The following GALR1 variants were observed in gnomAD, a reference collection of about 807,000 sequenced individuals.
GALR1 encodes galanin receptor type 1.
In GALR1, 11 loss-of-function variants were observed where a neutral mutation model predicts 17.9. That is an observed-to-expected ratio of 0.62 (90% confidence interval 0.39 to 1.02). GALR1 has a LOEUF of 1.02. Ranked by LOEUF, GALR1 falls within the 50% of genes least tolerant of loss-of-function variation. The pLI, the probability that GALR1 is intolerant of heterozygous loss-of-function variation, is 0.01. For missense variants in GALR1, 441 were observed against 456.9 expected (o/e 0.97, Z 0.32); for synonymous variants, 206 against 205.7 (o/e 1.00, Z -0.01).
In GALR1 at chr18:77,251,192, T is replaced by G; in HGVS notation, c.644T>G (p.Leu215Arg). 1 of 1,608,904 alleles carries G rather than the reference T, an allele frequency of 6.2e-7. No homozygotes were observed. The highest frequency in any genetic ancestry group is 8.5e-7 in the Non-Finnish European group (1 of 1,176,684). ...FVFGYLLPLLLICFCYAKVLN... is the reference protein window; with the variant it reads ...FVFGYLLPLLRICFCYAKVLN... ...TTCGGCTACCTGCTGCCGCTCCTGC[T>G]CATCTGCTTCTGCTATGCCAAGGTG... Residue 215 changes from leucine to arginine, a missense_variant, in exon 1 of 3, where the codon CTC (leucine) becomes CGC (arginine). Leu to Arg is a moderately radical substitution (Grantham distance 102). Coordinates refer to ENST00000299727, the MANE Select transcript of GALR1 (RefSeq NM_001480.4).
chr18:77,253,452 T>G lies in GALR1; in HGVS notation c.666+2238T>G, dbSNP rs143795656. Among the ~76,000 whole-genome samples the G allele has an allele frequency of 7.4e-4, 112 of 152,332 alleles. 1 individual carries two copies. Among genetic ancestry groups the G allele is most frequent in the Admixed American group, 2.8e-3 (43 of 15,304 alleles). On this transcript the variant is annotated intron_variant, in intron 1 of 2. Coordinates refer to ENST00000299727, the MANE Select transcript of GALR1 (RefSeq NM_001480.4). Reference sequence around the variant, plus strand: ...TAAGTTCCTAATTACTGTGGAGAACTGAAGCACACGCTTCCTTATTTCCCC... The same window carrying G: ...TAAGTTCCTAATTACTGTGGAGAACGGAAGCACACGCTTCCTTATTTCCCC...
chr18:77,254,905 A>G (rs1912551641), intron 1 of GALR1, among the ~76,000 whole-genome samples: 1 of 152,180 alleles, frequency 6.6e-6, no homozygotes, highest in Non-Finnish European at 1.5e-5. Context: ...GAGAGAATTT[A>G]AAGTCAGAAA....
intron 2 of GALR1, among the ~76,000 whole-genome samples, chr18:77,265,836 A>C (rs1490915356): frequency 6.6e-6 from 1 of 151,614 alleles, no homozygotes; most frequent in African/African-American, 2.4e-5. Context: ...CAGGACACCA[A>C]ACCCCAAGAC....
At chr18:77,257,444 T>G (rs1463149990) in intron 2 of GALR1, among the ~76,000 whole-genome samples, 1 of 152,250 alleles carries the variant, frequency 6.6e-6, no homozygotes, top group African/African-American at 2.4e-5. Flanking sequence ...ATATTTCATT[T>G]TAGGCATCTA....
At chr18:77,258,818 GTGGTGGTGC>G (rs1235632970) in intron 2 of GALR1, among the ~76,000 whole-genome samples, 8 of 131,542 alleles carry the variant, frequency 6.1e-5, no homozygotes, top group East Asian at 2.3e-4. Context: ...GGTCATAGTG[GTGGTGGTGC>G]TGGTGATGGT....
rs1269494831 is a variant in GALR1 at position 77,250,952 on chromosome 18, T to A, written c.404T>A (p.Val135Glu). The change falls in exon 1 of 3, where the codon GTG becomes GAG. Residue 135 changes from valine to glutamate, a missense_variant. Coordinates refer to ENST00000299727, the MANE Select transcript of GALR1 (RefSeq NM_001480.4). ...TLAAMSVDRY[V>E]AIVHSRRSSS... ...GCCGCGATGTCCGTGGACCGCTACGTGGCCATCGTGCACTCGCGGCGCTCC... is the reference window on the plus strand; with the variant it reads ...GCCGCGATGTCCGTGGACCGCTACGAGGCCATCGTGCACTCGCGGCGCTCC... 1.2e-6 allele frequency: 2 copies of A among 1,604,182 alleles called. No homozygotes were observed. Among genetic ancestry groups the A allele is most frequent in the Admixed American group, 1.7e-5 (1 of 60,008 alleles).
chr18:77,268,186 C>G (rs1374937443), intron 2 of GALR1, among the ~76,000 whole-genome samples: 1 of 152,114 alleles, frequency 6.6e-6, no homozygotes, highest in Admixed American at 6.5e-5. Context: ...CAGCGCTCCT[C>G]CGAGATGCAT....
intron 2 of GALR1, among the ~76,000 whole-genome samples, chr18:77,259,438 A>G (rs1449994139): frequency 1.4e-5 from 2 of 141,312 alleles, no homozygotes; most frequent in African/African-American, 2.7e-5. Flanking sequence ...CATGGTGGTG[A>G]TGATGGTGAT....
At position 77,270,528 on chromosome 18, in the gene GALR1, ATGTG is replaced by A. The variant is rs34420045; in HGVS notation, c.*1658_*1661del. 9.3e-3 allele frequency: 1,323 copies of A among 142,534 alleles called. 7 individuals are homozygous for A. Among genetic ancestry groups the A allele is most frequent in the Non-Finnish European group, 0.011 (730 of 65,332 alleles). The allele number at this position is 142,534 out of a possible 1,614,324, so 8.8% of individuals were successfully genotyped here. Reference sequence around the variant, plus strand: ...GACTCTGTCTAAAATATATATATATATGTGTGTGTGTGTGTGTGTGTGTGTGTGT... The same window carrying A: ...GACTCTGTCTAAAATATATATATATATGTGTGTGTGTGTGTGTGTGTGTGT... On this transcript the variant is annotated 3_prime_UTR_variant, in exon 3 of 3. Transcript: ENST00000299727.
rs546856618 is a variant in GALR1, at chr18:77,255,475, G to A, written c.667-683G>A. Among the ~76,000 whole-genome samples the A allele has an allele frequency of 1.1e-3, 173 of 152,278 alleles. 2 individuals carry two copies. Among genetic ancestry groups the A allele is most frequent in the African/African-American group, 4.1e-3 (170 of 41,554 alleles). On this transcript the variant is annotated intron_variant, in intron 1 of 2. Transcript: ENST00000299727. ...ATCAGTGACGCTGAATCCCCAATAA[G>A]TTGTCTGAAAGCACAGCACAGTGGG... is the stretch of plus-strand genomic sequence containing the variant.
intron 2 of GALR1, among the ~76,000 whole-genome samples, chr18:77,264,213 G>A (rs966552885): frequency 1.4e-4 from 21 of 150,520 alleles, no homozygotes; most frequent in Admixed American, 3.3e-4. Context: ...GTGGAGCTGT[G>A]GTTCCCACTG....
Position 77,263,126 on chromosome 18 carries a change from A to G in GALR1, c.733-5459A>G, listed in dbSNP as rs567070822. On this transcript the variant is annotated intron_variant, in intron 2 of 2. Transcript: ENST00000299727. ...GGAGGGTAACCATTCTGTGACATAGAGAGATGGTCTGATTGTCTTAGAAAG... is the reference window on the plus strand; with the variant it reads ...GGAGGGTAACCATTCTGTGACATAGGGAGATGGTCTGATTGTCTTAGAAAG... 2.6e-5 allele frequency among the ~76,000 whole-genome samples: 4 copies of G among 152,370 alleles called. No homozygotes were observed. In the South Asian group the frequency reaches 8.3e-4, roughly 32 times the overall value.
Position 77,268,589 on chromosome 18 carries a change from CACAG to C in GALR1, c.742_745del (p.Thr248PhefsTer29), listed in dbSNP as rs1227652305. The C allele has an allele frequency of 6.2e-7, 1 of 1,613,018 alleles. No homozygotes were observed. Among genetic ancestry groups the C allele is most frequent in the Admixed American group, 1.7e-5 (1 of 59,978 alleles). ...CCTCCTCTTCTTCTTTTCTAGACTG[CACAG>C]ACAGTTCTGGTGGTGGTTGTGGTGT... On this transcript the variant is annotated frameshift_variant, in exon 3 of 3. Transcript: ENST00000299727. LOFTEE classifies it low-confidence loss of function (END_TRUNC).
chr18:77,273,907 T>C lies in GALR1; in HGVS notation c.*5005T>C, dbSNP rs531268177. 9.9e-5 allele frequency: 15 copies of C among 152,206 alleles called. No individual in the cohort carries two copies. The East Asian group carries it at 2.9e-3, about 30-fold the overall frequency. The allele number at this position is 152,206 out of a possible 1,614,324, so 9.4% of individuals were successfully genotyped here. ...TTCTCCGCAATTAGAGAAGGCACAG[T>C]AAAGAAAAGATCCCTTGCTGATGGA... On this transcript the variant is annotated 3_prime_UTR_variant, in exon 3 of 3. Coordinates refer to ENST00000299727, the MANE Select transcript of GALR1 (RefSeq NM_001480.4).
chr18:77,261,561 T>C (rs1207398273), intron 2 of GALR1, among the ~76,000 whole-genome samples: 1 of 152,208 alleles, frequency 6.6e-6, no homozygotes, highest in Non-Finnish European at 1.5e-5. Flanking sequence ...TTTCTTGCAG[T>C]CCTGGAGTTT....
Position 77,270,358 on chromosome 18 carries a change from T to C in GALR1, c.*1456T>C, listed in dbSNP as rs1166439031. On this transcript the variant is annotated 3_prime_UTR_variant, in exon 3 of 3. Transcript: ENST00000299727. ...GGCAAAACTCGGTCTCTACTAAAAA[T>C]ACAAAAATTAGCTGGGTGTGGTGGC... The C allele has an allele frequency of 1.3e-5, 2 of 152,188 alleles. No homozygotes were observed. Among genetic ancestry groups the C allele is most frequent in the Non-Finnish European group, 2.9e-5 (2 of 68,084 alleles). 9.4% of individuals were successfully genotyped at this position (152,188 alleles called of 1,614,324 possible).
In GALR1 at chr18:77,269,001, T is replaced by C; in HGVS notation, c.*99T>C. 2 of 889,022 alleles carry C rather than the reference T, an allele frequency of 2.2e-6. No individual in the cohort carries two copies. Among genetic ancestry groups the C allele is most frequent in the Non-Finnish European group, 3.5e-6 (2 of 568,432 alleles). 55.1% of individuals were successfully genotyped at this position (889,022 alleles called of 1,614,324 possible). The stretch of plus-strand genomic sequence containing the variant: ...GTAAGCGATGCTGCAACTTGTTATC[T>C]TAACAAGAATTCAAGTCGTTTTAAT... On this transcript the variant is annotated 3_prime_UTR_variant, in exon 3 of 3. Coordinates refer to ENST00000299727, the MANE Select transcript of GALR1 (RefSeq NM_001480.4).
In GALR1 at chr18:77,258,945, G is replaced by A. The variant is rs565856053; in HGVS notation, c.732+2722G>A. On this transcript the variant is annotated intron_variant, in intron 2 of 2. Coordinates refer to ENST00000299727, the MANE Select transcript of GALR1 (RefSeq NM_001480.4). ...GATGATGGTCATGGTGGTGATGATG[G>A]TGGTCATGGTGGTCATGGTGGCGAT... Among the ~76,000 whole-genome samples the A allele has an allele frequency of 3.6e-4, 48 of 134,324 alleles. 2 individuals are homozygous for A. Among genetic ancestry groups the A allele is most frequent in the African/African-American group, 1.3e-3 (44 of 32,888 alleles). The allele number at this position is 134,324 out of a possible 152,430, so 88.1% of individuals were successfully genotyped here.
intron 1 of GALR1, among the ~76,000 whole-genome samples, chr18:77,252,944 C>CACCACCAT (rs1912483567): frequency 1.7e-5 from 1 of 58,678 alleles, no homozygotes; most frequent in Non-Finnish European, 4.1e-5. Flanking sequence ...ACCACCACCA[C>CACCACCAT]CACCATCACC....
Sources: gnomAD v4.1 joint callset for allele counts (sites outside exome capture counted in the v4.1 genomes callset) on GRCh38, gnomAD v4.1.1 for gene constraint, MANE v1.5 for transcripts, NCBI Gene and HGNC (gene_info 2026-07-23, HGNC 2026-07-21) for gene names.